EPHB2: variants seen among roughly 807,000 people sequenced by gnomAD.
The protein encoded by EPHB2 is EPH receptor B2.
EPHB2 carries 18 observed loss-of-function variants against 96.4 expected under a neutral mutation model. The observed-to-expected ratio is 0.19, with a 90% CI of 0.13 to 0.28. The LOEUF is 0.28. EPHB2 is among the 10% of genes least tolerant of loss of function. EPHB2 has a pLI of 1.00. For synonymous variants in EPHB2, 506 were observed against 534.1 expected (o/e 0.95, Z 0.72); for missense variants, 989 against 1,355.4 (o/e 0.73, Z 4.25).
At position 22,891,798 on chromosome 1, in the gene EPHB2, GTT is replaced by G. The variant is rs374878052; in HGVS notation, c.1429-1085_1429-1084del. On this transcript the variant is annotated intron_variant, in intron 6 of 15. Coordinates refer to ENST00000374630, the MANE Select transcript of EPHB2 (RefSeq NM_017449.5). ...GAGTCTGGTTTCTTTTTTTTTTGTT[GTT>G]GTTGTATTTTTTTAGATAGGGTTTT... Among the ~76,000 whole-genome samples the G allele has an allele frequency of 3.4e-5, 5 of 148,894 alleles. 1 individual carries two copies. Among genetic ancestry groups the G allele is most frequent in the African/African-American group, 4.9e-5 (2 of 40,562 alleles).
chr1:22,798,460 AT>A (rs796455015), intron 3 of EPHB2, among the ~76,000 whole-genome samples: 5,446 of 142,278 alleles, frequency 0.038, 238 homozygotes, highest in African/African-American at 0.11. Context: ...AGTCTTACCC[AT>A]TTTTTTTTTT....
intron 1 of EPHB2, among the ~76,000 whole-genome samples, chr1:22,779,371 G>A (rs867319259): frequency 3.9e-5 from 6 of 152,162 alleles, no homozygotes; most frequent in Admixed American, 2.0e-4. Flanking sequence ...CAGTCATGGG[G>A]ATGCCAGTGC....
intron 2 of EPHB2, among the ~76,000 whole-genome samples, chr1:22,781,759 AC>A (rs959585434): frequency 4.0e-5 from 6 of 151,660 alleles, no homozygotes; most frequent in African/African-American, 1.5e-4. Context: ...TGCTCTCACT[AC>A]CCCCGTTTTA....
At chr1:22,767,327 C>T (rs1027700411) in intron 1 of EPHB2, among the ~76,000 whole-genome samples, 3 of 152,180 alleles carry the variant, frequency 2.0e-5, no homozygotes, top group Admixed American at 1.3e-4. Context: ...TGCATCAGCT[C>T]TCACCTGAGA....
rs189454653 is a variant in EPHB2, at chr1:22,914,195, A to C, written c.*625A>C. ...TATTTTAGAAACTCCAATGAAAGAC[A>C]CTGTTTCTCCTGTTGGCTCACAGGG... On this transcript the variant is annotated 3_prime_UTR_variant, in exon 16 of 16. Coordinates refer to ENST00000374630, the MANE Select transcript of EPHB2 (RefSeq NM_017449.5). 616 of 271,340 alleles carry C rather than the reference A, an allele frequency of 2.3e-3. 6 individuals are homozygous for C. The highest frequency in any genetic ancestry group is 0.013 in the African/African-American group (572 of 44,998). The allele number at this position is 271,340 out of a possible 1,614,324, so 16.8% of individuals were successfully genotyped here. A position where few individuals can be genotyped will look rare whatever the true frequency, so the allele number is the denominator to read the frequency against.
chr1:22,866,433 C>G (rs987245685), intron 5 of EPHB2, among the ~76,000 whole-genome samples: 3 of 151,998 alleles, frequency 2.0e-5, no homozygotes, highest in Admixed American at 2.0e-4. Flanking sequence ...AAGGACCAGT[C>G]GAAATTTTTT....
chr1:22,718,185 A>C (rs1055394472), intron 1 of EPHB2, among the ~76,000 whole-genome samples: 2 of 152,042 alleles, frequency 1.3e-5, no homozygotes, highest in Non-Finnish European at 2.9e-5. Context: ...TGGCTTGCCA[A>C]GTAGCTGAGA....
chr1:22,882,603 A>G lies in EPHB2; in HGVS notation c.1428+120A>G, dbSNP rs1226911629. On this transcript the variant is annotated intron_variant, in intron 6 of 15. Coordinates refer to ENST00000374630, the MANE Select transcript of EPHB2 (RefSeq NM_017449.5). ...GACGCACTGGTGCAGCAGAAAGAGC[A>G]CTGGCCTTGGAGTCAGGCTGCCTGG... is the stretch of plus-strand genomic sequence containing the variant. The G allele has an allele frequency of 6.6e-6, 10 of 1,518,638 alleles. No homozygotes were observed. The African/African-American group carries it at 1.1e-4, about 17-fold the overall frequency. 94.1% of individuals were successfully genotyped at this position (1,518,638 alleles called of 1,614,324 possible). A position where few individuals can be genotyped will look rare whatever the true frequency, so the allele number is the denominator to read the frequency against.
chr1:22,750,820 C>G (rs943478603), intron 1 of EPHB2, among the ~76,000 whole-genome samples: 1 of 152,140 alleles, frequency 6.6e-6, no homozygotes, highest in Non-Finnish European at 1.5e-5. Context: ...TGCTATTATC[C>G]ACCTTCCAGA....
At chr1:22,854,499 G>A (rs2148513057) in intron 3 of EPHB2, among the ~76,000 whole-genome samples, 1 of 152,260 alleles carries the variant, frequency 6.6e-6, no homozygotes, top group Non-Finnish European at 1.5e-5. Context: ...GTGATAGAGT[G>A]AGAACCTGTC....
intron 5 of EPHB2, among the ~76,000 whole-genome samples, chr1:22,873,436 TTTTGCAAGCC>T (rs1638736891): frequency 6.6e-6 from 1 of 152,146 alleles, no homozygotes; most frequent in Non-Finnish European, 1.5e-5. Flanking sequence ...TCGCAAGGGC[TTTTGCAAGCC>T]TCTGCTTATA....
intron 3 of EPHB2, among the ~76,000 whole-genome samples, chr1:22,812,665 T>C (rs1645019937): frequency 6.6e-6 from 1 of 152,230 alleles, no homozygotes; most frequent in Non-Finnish European, 1.5e-5. Flanking sequence ...CCTCAGGCTC[T>C]CTGAGCCTCG....
At chr1:22,873,392 G>A (rs1314522227) in intron 5 of EPHB2, among the ~76,000 whole-genome samples, 4 of 152,182 alleles carry the variant, frequency 2.6e-5, no homozygotes, top group African/African-American at 9.7e-5. Context: ...TTTTCTCATG[G>A]CAATCACAGG....
At chr1:22,712,041 A>G (rs1643163963) in intron 1 of EPHB2, among the ~76,000 whole-genome samples, 1 of 152,170 alleles carries the variant, frequency 6.6e-6, no homozygotes, top group Non-Finnish European at 1.5e-5. Flanking sequence ...AAACCACTTT[A>G]CAGTTTATGA....
rs142149950 is a variant in EPHB2 at position 22,882,919 on chromosome 1, C to G, written c.1428+436C>G. ...GCTTCCGCCTGCCCTGCTCTGAGTC[C>G]TGCTAAAACACCCACTTTCACTCGC... On this transcript the variant is annotated intron_variant, in intron 6 of 15. Coordinates refer to ENST00000374630, the MANE Select transcript of EPHB2 (RefSeq NM_017449.5). 1.2e-5 allele frequency: 3 copies of G among 254,874 alleles called. No individual in the cohort carries two copies. The East Asian group carries it at 3.0e-4, about 26-fold the overall frequency. 15.8% of individuals were successfully genotyped at this position (254,874 alleles called of 1,614,324 possible).
chr1:22,788,753 G>GTTTTTT (rs66554696), intron 3 of EPHB2, among the ~76,000 whole-genome samples: 17 of 134,146 alleles, frequency 1.3e-4, no homozygotes, highest in African/African-American at 4.7e-4. Context: ...TTTTGTTTTT[G>GTTTTTT]TTTTTTTTTT....
Position 22,909,284 on chromosome 1 carries a change from G to A in EPHB2, c.2502+113G>A, listed in dbSNP as rs1640014811. 2.9e-5 allele frequency: 44 copies of A among 1,539,144 alleles called. No individual in the cohort carries two copies. The South Asian group carries it at 4.6e-4, about 16-fold the overall frequency. ...CAGAGTGTGGGACATAGGCTTCTGA[G>A]ATCATGGGCCTGGCTCCCAGGGCAG... On this transcript the variant is annotated intron_variant, in intron 13 of 15. Coordinates refer to ENST00000374630, the MANE Select transcript of EPHB2 (RefSeq NM_017449.5).
At chr1:22,838,667 G>C (rs898818144) in intron 3 of EPHB2, among the ~76,000 whole-genome samples, 1 of 152,312 alleles carries the variant, frequency 6.6e-6, no homozygotes, top group Middle Eastern at 3.4e-3. Context: ...CGTGGCTCAC[G>C]CCTGTAATCC....
chr1:22,892,738 C>A (rs953075471), intron 6 of EPHB2, 146 bp from the exon 7 acceptor site: 2 of 1,029,606 alleles, frequency 1.9e-6, no homozygotes, highest in African/African-American at 1.6e-5. Context: ...AGGCATAATT[C>A]TATTAAAGGG....
Sources: allele counts gnomAD v4.1 joint callset (sites outside exome capture counted in the v4.1 genomes callset), GRCh38; gene constraint gnomAD v4.1.1; transcripts MANE v1.5; gene names NCBI Gene and HGNC (gene_info 2026-07-23, HGNC 2026-07-21).